The following APC variants were observed in gnomAD, a reference collection of about 807,000 sequenced individuals.
APC encodes the protein adenomatous polyposis coli protein.
A neutral mutation model predicts 247.0 loss-of-function variants in APC; 72 were observed. The observed-to-expected ratio is 0.29, with a 90% CI of 0.24 to 0.35. The LOEUF (loss-of-function observed/expected upper bound fraction) is 0.35. Among genes scored for constraint, APC ranks in the 10% least tolerant of loss-of-function variants. The pLI, the probability that APC is intolerant of heterozygous loss-of-function variation, is 1.00. For synonymous variants in APC, 1,254 were observed against 1,162.5 expected (o/e 1.08, Z -1.60); for missense variants, 3,400 against 3,360.7 (o/e 1.01, Z -0.29).
intron 1 of APC, among the ~76,000 whole-genome samples, chr5:112,740,524 C>CTTTT (rs11286305): frequency 9.1e-5 from 9 of 99,134 alleles, no homozygotes; most frequent in African/African-American, 1.6e-4. Context: ...GTTTTTTTTT[C>CTTTT]TTTTTTTTTT....
At chr5:112,745,531 A>T (rs1753550901) in intron 1 of APC, among the ~76,000 whole-genome samples, 2 of 150,282 alleles carry the variant, frequency 1.3e-5, no homozygotes, top group African/African-American at 2.4e-5. Context: ...TAAGGAAATA[A>T]ATGAATTAAT....
rs1766673977 is a variant in APC, at chr5:112,843,778, G to A, written c.8184G>A (p.Val2728=). 1 of 1,613,972 alleles carries A rather than the reference G, an allele frequency of 6.2e-7. No individual in the cohort carries two copies. The highest frequency in any genetic ancestry group is 8.5e-7 in the Non-Finnish European group (1 of 1,179,882). The change falls in exon 16 of 16, where the codon GTG becomes GTA. Residue 2728 remains valine, a synonymous_variant. Coordinates refer to ENST00000257430, the MANE Select transcript of APC (RefSeq NM_000038.6). The surrounding 1 kb of genome is among the most constrained non-coding windows in gnomAD (Gnocchi z 4.8). ...ATCGCCTGAACTCCTTTATTCAGGTGGATGCCCCTGACCAAAAAGGAACTG... is the reference window on the plus strand; with the variant it reads ...ATCGCCTGAACTCCTTTATTCAGGTAGATGCCCCTGACCAAAAAGGAACTG... The part of the protein sequence containing the change: ...LENRLNSFIQ[V]DAPDQKGTEI...
rs2149949104 is a variant in APC, at chr5:112,841,377, A to G, written c.5783A>G (p.Gln1928Arg). Residue 1928 changes from glutamine to arginine, a missense_variant, in exon 16 of 16, where the codon CAG (glutamine) becomes CGG (arginine). Physicochemically the swap from Gln to Arg is conservative, Grantham distance 43. This residue lies in a region of APC where 1,788 missense variants were observed against 1,649.5 expected (regional missense o/e 1.08). Coordinates refer to ENST00000257430, the MANE Select transcript of APC (RefSeq NM_000038.6). The surrounding 1 kb of genome is among the most constrained non-coding windows in gnomAD (Gnocchi z 4.6). The part of the protein sequence containing the change: ...INRGQPKPIL[Q>R]KQSTFPQSSK... ...CGAGGTCAGCCTAAACCCATACTTC[A>G]GAAACAATCCACTTTTCCCCAGTCA... The G allele has an allele frequency of 6.2e-7, 1 of 1,613,738 alleles. No individual in the cohort carries two copies. Among genetic ancestry groups the G allele is most frequent in the Non-Finnish European group, 8.5e-7 (1 of 1,179,666 alleles).
At chr5:112,735,106 A>G (rs898168828), upstream of APC, among the ~76,000 whole-genome samples, 33 of 152,160 alleles carry the variant, frequency 2.2e-4, no homozygotes, top group Admixed American at 2.0e-3. Flanking sequence ...TGATACTGAA[A>G]ATAAGAGATA....
intron 8 of APC, among the ~76,000 whole-genome samples, chr5:112,807,142 A>G (rs969792693): frequency 1.3e-5 from 2 of 151,810 alleles, no homozygotes; most frequent in African/African-American, 4.8e-5. Context: ...CAAGGAAAAA[A>G]AAAAAAAAAA....
At chr5:112,739,137 A>G (rs1009463987) in intron 1 of APC, among the ~76,000 whole-genome samples, 1 of 152,178 alleles carries the variant, frequency 6.6e-6, no homozygotes, top group Non-Finnish European at 1.5e-5. Flanking sequence ...TCAGTGTGCA[A>G]ATATTTTAAA....
In APC at chr5:112,761,635, A is replaced by G. The variant is rs184566213; in HGVS notation, c.136-4691A>G. 4.6e-5 allele frequency among the ~76,000 whole-genome samples: 7 copies of G among 152,218 alleles called. No homozygotes were observed. In the East Asian group the frequency reaches 5.9e-4, roughly 13 times the overall value. On this transcript the variant is annotated intron_variant, in intron 2 of 15. Transcript: ENST00000257430. ...TGGAAAAAACAAAAAAGACAAAACA[A>G]TGGCTTCTAGAAGAAAACATAGGTA... is the stretch of plus-strand genomic sequence containing the variant.
At chr5:112,825,737 C>G (rs1279209239) in intron 11 of APC, among the ~76,000 whole-genome samples, 1 of 152,188 alleles carries the variant, frequency 6.6e-6, no homozygotes, top group Non-Finnish European at 1.5e-5. Flanking sequence ...TACGTTTCAA[C>G]TTAAACATTA....
chr5:112,769,925 C>G (rs901370382), intron 4 of APC, among the ~76,000 whole-genome samples: 1 of 152,138 alleles, frequency 6.6e-6, no homozygotes, highest in African/African-American at 2.4e-5. Flanking sequence ...TGATCCTAGA[C>G]TATTGAAACA....
chr5:112,816,949 A>T (rs987875990), intron 9 of APC, among the ~76,000 whole-genome samples: 1 of 150,324 alleles, frequency 6.7e-6, no homozygotes, highest in East Asian at 2.0e-4. Flanking sequence ...GCTCACTGCA[A>T]CCCCCACCTC....
intron 1 of APC, among the ~76,000 whole-genome samples, chr5:112,747,992 TG>T (rs1413983961): frequency 1.3e-5 from 2 of 152,174 alleles, no homozygotes; most frequent in Non-Finnish European, 2.9e-5. Flanking sequence ...TTTATGTGTT[TG>T]GGGCTGCTTT....
intron 7 of APC, among the ~76,000 whole-genome samples, chr5:112,798,926 A>G (rs1221364111): frequency 6.6e-6 from 1 of 152,034 alleles, no homozygotes; most frequent in Non-Finnish European, 1.5e-5. Context: ...AATGGGGATA[A>G]TGGCCGGGCA....
rs754051042 is a variant in APC at position 112,843,481 on chromosome 5, C to G, written c.7887C>G (p.Thr2629=). Residue 2629 remains threonine, a synonymous_variant, in exon 16 of 16, where the codon ACC becomes ACG. Coordinates refer to ENST00000257430, the MANE Select transcript of APC (RefSeq NM_000038.6). The surrounding 1 kb of genome is among the most constrained non-coding windows in gnomAD (Gnocchi z 4.8). ...EFSPTNSTSQ[T]VSSGATNGAE... The stretch of plus-strand genomic sequence containing the variant: ...CTCCCACAAATAGTACTTCTCAGAC[C>G]GTTTCCTCAGGTGCTACAAATGGTG... The G allele has an allele frequency of 1.2e-6, 2 of 1,613,748 alleles. No homozygotes were observed. Among genetic ancestry groups the G allele is most frequent in the Non-Finnish European group, 1.7e-6 (2 of 1,179,774 alleles).
intron 4 of APC, 40 bp downstream of exon 4, chr5:112,767,430 C>A (rs377634228): frequency 8.7e-5 from 123 of 1,414,058 alleles, no homozygotes; most frequent in Non-Finnish European, 1.0e-4. Flanking sequence ...CTTGTGTACT[C>A]CAGTTTATTG....
chr5:112,827,126 C>T lies in APC; in HGVS notation c.1427C>T (p.Ala476Val), dbSNP rs1211322279. The change falls in exon 12 of 16, where the codon GCA (alanine) becomes GTA (valine). Residue 476 changes from alanine to valine, a missense_variant. By Grantham distance (64) the Ala-to-Val change is moderately conservative. Transcript: ENST00000257430. ...MNELGGLQAI[A>V]ELLQVDCEMY... is the part of the protein sequence containing the mutation. ...AAATTAGGGGGACTACAGGCCATTG[C>T]AGAATTATTGCAAGTGGACTGTGAA... 1 of 1,613,622 alleles carries T rather than the reference C, an allele frequency of 6.2e-7. No individual in the cohort carries two copies. The highest frequency in any genetic ancestry group is 8.5e-7 in the Non-Finnish European group (1 of 1,179,832).
chr5:112,806,012 C>T (rs78722337), intron 8 of APC, among the ~76,000 whole-genome samples: 2 of 152,194 alleles, frequency 1.3e-5, no homozygotes, highest in African/African-American at 4.8e-5. Flanking sequence ...CACCTCCACA[C>T]TGGCCTTCTC....
At chr5:112,711,343 C>G (rs1021617135) in intron 1 of APC, among the ~76,000 whole-genome samples, 1 of 152,218 alleles carries the variant, frequency 6.6e-6, no homozygotes, top group Non-Finnish European at 1.5e-5. Context: ...CCACCCAACT[C>G]CTGTCCCATG....
intron 1 of APC, among the ~76,000 whole-genome samples, chr5:112,744,582 A>G (rs76615210): frequency 0.013 from 1,924 of 152,326 alleles, 46 homozygotes; most frequent in African/African-American, 0.043. Flanking sequence ...GGCTAGAGAC[A>G]TCAGGAAGGT....
chr5:112,747,750 A>G (rs1753852494), intron 1 of APC, among the ~76,000 whole-genome samples: 1 of 152,208 alleles, frequency 6.6e-6, no homozygotes. Context: ...TGGATCACTG[A>G]AAAGAAATCA....
Sources: gnomAD v4.1 joint callset for allele counts (sites outside exome capture counted in the v4.1 genomes callset) on GRCh38, gnomAD v4.1.1 for gene constraint, gnomAD v4.1.1 regional missense constraint, Gnocchi (gnomAD v3.1) non-coding constraint, MANE v1.5 for transcripts, NCBI Gene and HGNC (gene_info 2026-07-23, HGNC 2026-07-21) for gene names.